SH2D5: variants seen among roughly 807,000 people sequenced by gnomAD.
SH2D5 encodes the protein SH2 domain containing 5, also known as SH2 domain-containing protein 5.
In SH2D5, 45 loss-of-function variants were observed where a neutral mutation model predicts 48.2. The observed-to-expected ratio is 0.93, with a 90% CI of 0.73 to 1.20. The LOEUF (loss-of-function observed/expected upper bound fraction) is 1.20, where lower values mean the gene tolerates loss of function less well. SH2D5 is among the 50% of genes most tolerant of loss of function. The pLI, the probability that SH2D5 is intolerant of heterozygous loss-of-function variation, is 0.00. For synonymous variants in SH2D5, 230 were observed against 249.8 expected, an observed-to-expected ratio of 0.92 and a Z score of 0.75; for missense variants, 538 against 584.1, an observed-to-expected ratio of 0.92 and a Z score of 0.81.
At chr1:20,730,310 G>GGT (rs971902171) in intron 1 of SH2D5, among the ~76,000 whole-genome samples, 2 of 17,466 alleles carry the variant, frequency 1.1e-4, no homozygotes, top group Non-Finnish European at 2.7e-4. Context: ...CCTGCTCGGG[G>GGT]GGGGGGGGGA....
intron 2 of SH2D5, 101 bp downstream of exon 2, chr1:20,727,857 G>T: frequency 2.0e-6 from 2 of 1,022,460 alleles, no homozygotes; most frequent in Non-Finnish European, 3.0e-6. Flanking sequence ...GCAAGAAAGA[G>T]GTGGAAATAG....
chr1:20,725,001 C>T (rs530290992), intron 5 of SH2D5, among the ~76,000 whole-genome samples: 1 of 152,332 alleles, frequency 6.6e-6, no homozygotes, highest in South Asian at 2.1e-4. Flanking sequence ...GAAGTCAGAA[C>T]TTGGGTTCCA....
intron 9 of SH2D5, 85 bp downstream of exon 9, chr1:20,722,671 A>C (rs1431930776): frequency 7.5e-7 from 1 of 1,327,564 alleles, no homozygotes; most frequent in Non-Finnish European, 9.9e-7. Flanking sequence ...GGACCTCAGC[A>C]GTTAGAAAAG....
Position 20,724,140 on chromosome 1 carries a change from C to T in SH2D5, c.742G>A (p.Gly248Arg). The change falls in exon 7 of 10, where the codon GGG becomes AGG. Residue 248 changes from glycine (G) to arginine (R), a missense_variant. By Grantham distance (125) the Gly-to-Arg change is moderately radical. Transcript: ENST00000444387. Reference protein sequence around the residue: ...KAIRSKVIRSGAYRGCTYETQ... With the variant: ...KAIRSKVIRSRAYRGCTYETQ... Reference sequence around the variant, plus strand: ...TCATAGGTGCAGCCGCGGTAGGCCCCCGAGCGGATCACCTTGCTGCGAATG... The same window carrying T: ...TCATAGGTGCAGCCGCGGTAGGCCCTCGAGCGGATCACCTTGCTGCGAATG... The T allele has an allele frequency of 6.2e-7, 1 of 1,613,060 alleles. No homozygotes were observed. Among genetic ancestry groups the T allele is most frequent in the Non-Finnish European group, 8.5e-7 (1 of 1,179,998 alleles).
In SH2D5 at chr1:20,719,782, G is replaced by A. The variant is rs1167593748; in HGVS notation, c.*2010C>T. The stretch of plus-strand genomic sequence containing the variant: ...AAGTCCACACAGCAAGGAAAGTGGG[G>A]CTACCGAGGTGGCGCAGATTGGAAC... On this transcript the variant is annotated 3_prime_UTR_variant, in exon 10 of 10. Transcript: ENST00000444387. The A allele has an allele frequency of 6.6e-6, 1 of 152,236 alleles. No individual in the cohort carries two copies. The allele number at this position is 152,236 out of a possible 1,614,324, so 9.4% of individuals were successfully genotyped here. A position where few individuals can be genotyped will look rare whatever the true frequency, so the allele number is the denominator to read the frequency against.
rs1387803500 is a variant in SH2D5 at position 20,721,441 on chromosome 1, G to A, written c.*351C>T. On this transcript the variant is annotated 3_prime_UTR_variant, in exon 10 of 10. Transcript: ENST00000444387. Reference sequence around the variant, plus strand: ...GGCCTAGCCTCCTTAGGAGAGGGCTGCAGCTTTGCCGTGAACAAGCTCCTG... The same window carrying A: ...GGCCTAGCCTCCTTAGGAGAGGGCTACAGCTTTGCCGTGAACAAGCTCCTG... 4.0e-6 allele frequency: 1 copy of A among 252,492 alleles called. No homozygotes were observed. Among genetic ancestry groups the A allele is most frequent in the Non-Finnish European group, 7.5e-6 (1 of 133,064 alleles). The allele number at this position is 252,492 out of a possible 1,614,324, so 15.6% of individuals were successfully genotyped here.
intron 1 of SH2D5, chr1:20,731,389 TCACTTAAGCTCTCAG>T (rs2054905950): frequency 6.6e-6 from 1 of 152,328 alleles, no homozygotes; most frequent in African/African-American, 2.4e-5. Context: ...CTTGGGCAAG[TCACTTAAGCTCTCAG>T]CCTCCAGGTC....
At position 20,724,431 on chromosome 1, in the gene SH2D5, G is replaced by A. The variant is rs774369562; in HGVS notation, c.595C>T (p.Arg199Trp). The A allele has an allele frequency of 1.4e-5, 22 of 1,612,802 alleles. No homozygotes were observed. The highest frequency in any genetic ancestry group is 2.7e-5 in the African/African-American group (2 of 74,936). ...ACCAGCCCCTCTGCTGGCAGCCGCC[G>A]AAAGGAGACCAGGGCATGGACGTTC... The part of the protein sequence containing the change: ...SQNVHALVSF[R>W]RLPAEGLVGS... Residue 199 changes from arginine to tryptophan, a missense_variant, in exon 6 of 10, where the codon CGG (arginine) becomes TGG (tryptophan). Transcript: ENST00000444387.
rs1285171209 is a variant in SH2D5 at position 20,729,422 on chromosome 1, C to T, written c.-42-1336G>A. ...GACCAGCTGCCTCAACCCTCTGAGC[C>T]TCCCCTTCCTCATCTGCAAACCTGG... On this transcript the variant is annotated intron_variant, in intron 1 of 9. Coordinates refer to ENST00000444387, the MANE Select transcript of SH2D5 (RefSeq NM_001103161.2). This position sits in a 1 kb window ranked among gnomAD's most constrained non-coding sequence, Gnocchi z 4.2. Among the ~76,000 whole-genome samples the T allele has an allele frequency of 1.3e-5, 2 of 152,180 alleles. No individual in the cohort carries two copies. Among genetic ancestry groups the T allele is most frequent in the African/African-American group, 2.4e-5 (1 of 41,440 alleles).
At chr1:20,722,613 G>T in intron 9 of SH2D5, 143 bp downstream of exon 9, 1 of 862,838 alleles carries the variant, frequency 1.2e-6, no homozygotes, top group Non-Finnish European at 1.7e-6. Flanking sequence ...TGAGGGGCGA[G>T]GCCAGGGAGA....
chr1:20,726,985 C>T lies in SH2D5; in HGVS notation c.243+16G>A. 1 of 1,605,166 alleles carries T rather than the reference C, an allele frequency of 6.2e-7. No individual in the cohort carries two copies. Among genetic ancestry groups the T allele is most frequent in the East Asian group, 2.2e-5 (1 of 44,760 alleles). On this transcript the variant is annotated intron_variant, in intron 4 of 9. Coordinates refer to ENST00000444387, the MANE Select transcript of SH2D5 (RefSeq NM_001103161.2). ...GTACCCCTCCAGTCCTCACCTGCAC[C>T]CACAGGGGTTCCTACCTCACCCTCC...
Position 20,722,845 on chromosome 1 carries a change from T to C in SH2D5, c.979A>G (p.Ser327Gly). The change falls in exon 9 of 10, where the codon AGC becomes GGC. Residue 327 changes from serine (S) to glycine (G), a missense_variant. Transcript: ENST00000444387. Reference protein sequence around the residue: ...AFLLWPELGASGQWCLSVRTQ... With the variant: ...AFLLWPELGAGGQWCLSVRTQ... ...CGCACGGACAGACACCACTGGCCGC[T>C]AGCACCCAGCTCAGGCCACAGCAGG... 1 of 1,605,412 alleles carries C rather than the reference T, an allele frequency of 6.2e-7. No individual in the cohort carries two copies. The highest frequency in any genetic ancestry group is 1.1e-5 in the South Asian group (1 of 89,756).
rs2054742459 is a variant in SH2D5, at chr1:20,724,026, G to A, written c.799+57C>T. On this transcript the variant is annotated intron_variant, in intron 7 of 9. Coordinates refer to ENST00000444387, the MANE Select transcript of SH2D5 (RefSeq NM_001103161.2). ...TCACGCCCACCTCTGGCTGGTCCAG[G>A]AGCGCACGGGCACGTGTCCCAGGTA... 3 of 1,576,756 alleles carry A rather than the reference G, an allele frequency of 1.9e-6. No individual in the cohort carries two copies. In the Admixed American group the frequency reaches 5.1e-5, roughly 27 times the overall value.
intron 8 of SH2D5, 57 bp from the exon 9 acceptor site, chr1:20,722,972 T>C (rs1403528028): frequency 7.0e-7 from 1 of 1,425,288 alleles, no homozygotes; most frequent in Non-Finnish European, 9.3e-7. Context: ...GCAATGGTCA[T>C]GAGGACCCCA....
chr1:20,720,383 C>T lies in SH2D5; in HGVS notation c.*1409G>A, dbSNP rs1326134000. 6.6e-6 allele frequency: 1 copy of T among 152,280 alleles called. No individual in the cohort carries two copies. The highest frequency in any genetic ancestry group is 1.5e-5 in the Non-Finnish European group (1 of 68,060). 9.4% of individuals were successfully genotyped at this position (152,280 alleles called of 1,614,324 possible). A position where few individuals can be genotyped will look rare whatever the true frequency, so the allele number is the denominator to read the frequency against. Reference sequence around the variant, plus strand: ...GGAGGTGGGGAACACGAGGCCTGGGCCTCTGGGAGGCTGGCTTCTCACTCC... The same window carrying T: ...GGAGGTGGGGAACACGAGGCCTGGGTCTCTGGGAGGCTGGCTTCTCACTCC... On this transcript the variant is annotated 3_prime_UTR_variant, in exon 10 of 10. Coordinates refer to ENST00000444387, the MANE Select transcript of SH2D5 (RefSeq NM_001103161.2).
rs2054758555 is a variant in SH2D5 at position 20,724,547 on chromosome 1, C to T, written c.479G>A (p.Cys160Tyr). The change falls in exon 6 of 10, where the codon TGC becomes TAC. Residue 160 changes from cysteine to tyrosine, a missense_variant. By Grantham distance (194) the Cys-to-Tyr change is radical. Coordinates refer to ENST00000444387, the MANE Select transcript of SH2D5 (RefSeq NM_001103161.2). ...GGGCACCTCCCCTGTGGGCCCTGGG[C>T]AGGGCTCTGGCTGTGCCCGCTCCTC... ...HPEERAQPEP[C>Y]PGPTGEVPLK... 1.2e-6 allele frequency: 2 copies of T among 1,605,352 alleles called. No homozygotes were observed. Among genetic ancestry groups the T allele is most frequent in the Admixed American group, 1.7e-5 (1 of 58,604 alleles).
At chr1:20,724,364 A>C (rs748114062) in intron 6 of SH2D5, 32 bp downstream of exon 6, 1 of 1,608,022 alleles carries the variant, frequency 6.2e-7, no homozygotes, top group Non-Finnish European at 8.5e-7. Context: ...TCCCTTGTCC[A>C]CTGCCCACTC....
chr1:20,722,809 C>A lies in SH2D5; in HGVS notation c.1015G>T (p.Gly339Cys), dbSNP rs779774721. ...CGGAAGACCTGGTGGGGCACCACGC[C>A]GCACTGCGTGCGCACGGACAGACAC... is the stretch of plus-strand genomic sequence containing the variant. Reference protein sequence around the residue: ...QWCLSVRTQCGVVPHQVFRNH... With the variant: ...QWCLSVRTQCCVVPHQVFRNH... The change falls in exon 9 of 10, where the codon GGC becomes TGC. Residue 339 changes from glycine to cysteine, a missense_variant. By Grantham distance (159) the Gly-to-Cys change is radical (BLOSUM62 -3). Transcript: ENST00000444387. 27 of 1,598,326 alleles carry A rather than the reference C, an allele frequency of 1.7e-5. No individual in the cohort carries two copies. The highest frequency in any genetic ancestry group is 2.2e-5 in the Non-Finnish European group (26 of 1,172,716).
In SH2D5 at chr1:20,728,459, G is replaced by T. The variant is rs1049975909; in HGVS notation, c.-42-373C>A. On this transcript the variant is annotated intron_variant, in intron 1 of 9. Transcript: ENST00000444387. This position sits in a 1 kb window ranked among gnomAD's most constrained non-coding sequence, Gnocchi z 4.3. The stretch of plus-strand genomic sequence containing the variant: ...AAGGGTGTGGCGGTACATGCCCAGG[G>T]TCACTCAAAAACTCAGCAAGCACTG... Among the ~76,000 whole-genome samples, 5 of 152,116 alleles carry T rather than the reference G, an allele frequency of 3.3e-5. No homozygotes were observed. Among genetic ancestry groups the T allele is most frequent in the Non-Finnish European group, 7.4e-5 (5 of 68,000 alleles).
Sources: gnomAD v4.1 joint callset for allele counts (sites outside exome capture counted in the v4.1 genomes callset) on GRCh38, gnomAD v4.1.1 for gene constraint, Gnocchi (gnomAD v3.1) non-coding constraint, MANE v1.5 for transcripts, NCBI Gene and HGNC (gene_info 2026-07-23, HGNC 2026-07-21) for gene names.